OSBPL6: variants seen among roughly 807,000 people sequenced by gnomAD.
OSBPL6 encodes oxysterol binding protein like 6, also known as oxysterol-binding protein-related protein 6.
In OSBPL6, 49 loss-of-function variants were observed where a neutral mutation model predicts 125.8. The observed-to-expected ratio is 0.39, with a 90% confidence interval of 0.31 to 0.49. The LOEUF is 0.49. OSBPL6 is among the 20% of genes least tolerant of loss of function. The probability of loss-of-function intolerance (pLI) is 0.88; values close to 1 mark genes in which losing one functional copy is unlikely to be tolerated. For synonymous variants in OSBPL6, 394 were observed against 391.8 expected (o/e 1.01, Z -0.07); for missense variants, 986 against 1,135.4 (o/e 0.87, Z 1.89).
At chr2:178,371,950 C>T (rs997114038) in intron 13 of OSBPL6, among the ~76,000 whole-genome samples, 176 bp from the exon 14 acceptor site, 1 of 152,148 alleles carries the variant, frequency 6.6e-6, no homozygotes, top group Non-Finnish European at 1.5e-5. Flanking sequence ...AAAATGAATA[C>T]CTTAATTTTG....
chr2:178,194,975 G>C (rs1224260791), intron 1 of OSBPL6, among the ~76,000 whole-genome samples: 5 of 152,014 alleles, frequency 3.3e-5, no homozygotes, highest in Non-Finnish European at 5.9e-5. Flanking sequence ...AGGGAATTCC[G>C]GCCGCCTGCC....
intron 13 of OSBPL6, among the ~76,000 whole-genome samples, chr2:178,368,489 A>G (rs1693064650): frequency 6.6e-6 from 1 of 152,202 alleles, no homozygotes; most frequent in Non-Finnish European, 1.5e-5. Context: ...GCTTGAAATC[A>G]TAGCAGGAGA....
chr2:178,214,973 G>A (rs968853972), intron 1 of OSBPL6, among the ~76,000 whole-genome samples: 1 of 151,980 alleles, frequency 6.6e-6, no homozygotes, highest in East Asian at 1.9e-4. Flanking sequence ...AAACCTTTAC[G>A]GCAATGCCTG....
upstream of OSBPL6, among the ~76,000 whole-genome samples, chr2:178,194,129 C>A (rs2088687739): frequency 6.6e-6 from 1 of 152,198 alleles, no homozygotes; most frequent in Non-Finnish European, 1.5e-5. Context: ...CTCACCTCCG[C>A]CGGACTGCGC....
At position 178,366,662 on chromosome 2, in the gene OSBPL6, T is replaced by A. The variant is rs202049115; in HGVS notation, c.1287+4847T>A. Among the ~76,000 whole-genome samples the A allele has an allele frequency of 2.6e-5, 4 of 152,328 alleles. No individual in the cohort carries two copies. In the East Asian group the frequency reaches 5.8e-4, roughly 22 times the overall value. On this transcript the variant is annotated intron_variant, in intron 13 of 24. Transcript: ENST00000190611. ...TTGCTTAACATACTATATAGTAGCATAATGTAAAATCCAAGTCATATCTGT... is the reference window on the plus strand; with the variant it reads ...TTGCTTAACATACTATATAGTAGCAAAATGTAAAATCCAAGTCATATCTGT...
Position 178,387,088 on chromosome 2 carries a change from G to C in OSBPL6, c.2105G>C (p.Gly702Ala). 6.2e-7 allele frequency: 1 copy of C among 1,611,650 alleles called. No homozygotes were observed. The highest frequency in any genetic ancestry group is 8.5e-7 in the Non-Finnish European group (1 of 1,177,990). Residue 702 changes from glycine (G) to alanine (A), a missense_variant, in exon 20 of 25, where the codon GGG becomes GCG. Transcript: ENST00000190611. ...QDIRWKNKFW[G>A]KSMEILPVGT... Reference sequence around the variant, plus strand: ...ATCAGATGGAAAAACAAGTTCTGGGGGAAGTCGATGGAAATCCTGCCTGTT... The same window carrying C: ...ATCAGATGGAAAAACAAGTTCTGGGCGAAGTCGATGGAAATCCTGCCTGTT...
intron 11 of OSBPL6, among the ~76,000 whole-genome samples, chr2:178,346,200 C>T (rs528262577): frequency 6.6e-6 from 1 of 152,192 alleles, no homozygotes; most frequent in Non-Finnish European, 1.5e-5. Flanking sequence ...CCAGACCCAA[C>T]AGAACAGGAG....
At chr2:178,331,307 T>G (rs1689177047) in intron 5 of OSBPL6, among the ~76,000 whole-genome samples, 1 of 152,186 alleles carries the variant, frequency 6.6e-6, no homozygotes, top group Non-Finnish European at 1.5e-5. Context: ...AAAATCATGG[T>G]GAAAAGACTC....
intron 1 of OSBPL6, among the ~76,000 whole-genome samples, chr2:178,228,253 C>T (rs900890983): frequency 6.6e-5 from 10 of 152,180 alleles, no homozygotes; most frequent in East Asian, 1.9e-4. Context: ...ATTTAAGACA[C>T]GGCCGGGCGC....
chr2:178,380,453 T>A (rs1694358621), intron 15 of OSBPL6, among the ~76,000 whole-genome samples: 1 of 70,316 alleles, frequency 1.4e-5, no homozygotes, highest in African/African-American at 5.7e-5. Flanking sequence ...TAAGAGTCTG[T>A]CTCAAAAAAA....
At position 178,349,271 on chromosome 2, in the gene OSBPL6, C is replaced by T; in HGVS notation, c.1035C>T (p.Asn345=). 6.2e-7 allele frequency: 1 copy of T among 1,614,176 alleles called. No individual in the cohort carries two copies. The highest frequency in any genetic ancestry group is 1.1e-5 in the South Asian group (1 of 91,084). Residue 345 remains asparagine (N), a synonymous_variant, in exon 12 of 25, where the codon AAC becomes AAT. Transcript: ENST00000190611. ...TMSPVRLHSS[N]PNLCADIEFQ... The stretch of plus-strand genomic sequence containing the variant: ...CACCAGTTCGCTTGCATTCCTCCAA[C>T]CCCAACCTTTGTGCAGATATTGAAT...
chr2:178,225,455 G>T (rs2090518669), intron 1 of OSBPL6, among the ~76,000 whole-genome samples: 1 of 152,140 alleles, frequency 6.6e-6, no homozygotes, highest in Non-Finnish European at 1.5e-5. Context: ...GGACAGTGAA[G>T]GTAGTGTCTG....
intron 1 of OSBPL6, among the ~76,000 whole-genome samples, chr2:178,263,771 G>A (rs2092138192): frequency 6.6e-6 from 1 of 151,684 alleles, no homozygotes; most frequent in African/African-American, 2.4e-5. Flanking sequence ...CATACCTCAT[G>A]TCTGAGGACC....
chr2:178,327,973 A>G (rs770365424), intron 4 of OSBPL6, among the ~76,000 whole-genome samples: 35 of 152,190 alleles, frequency 2.3e-4, no homozygotes, highest in Non-Finnish European at 4.6e-4. Context: ...AAACATTCTG[A>G]GTACAGGCAA....
Position 178,394,441 on chromosome 2 carries a change from T to C in OSBPL6, c.2696+6T>C. The C allele has an allele frequency of 6.2e-7, 1 of 1,605,590 alleles. No homozygotes were observed. The highest frequency in any genetic ancestry group is 8.5e-7 in the Non-Finnish European group (1 of 1,177,992). On this transcript the variant is annotated splice_donor_region_variant and intron_variant, in intron 24 of 24. Transcript: ENST00000190611. The stretch of plus-strand genomic sequence containing the variant: ...CATATACCAAAATTTTTTAAGTAAG[T>C]CAGTTAACTCCCATAGCAAGTTCAT...
intron 1 of OSBPL6, among the ~76,000 whole-genome samples, chr2:178,211,364 G>A (rs1169209022): frequency 1.3e-5 from 2 of 152,206 alleles, no homozygotes; most frequent in Non-Finnish European, 2.9e-5. Context: ...AAATAGGTGA[G>A]CAGGTGCCTG....
At chr2:178,357,614 G>A (rs920440149) in intron 12 of OSBPL6, among the ~76,000 whole-genome samples, 3 of 152,164 alleles carry the variant, frequency 2.0e-5, no homozygotes, top group African/African-American at 7.2e-5. Context: ...GGAGAAATAG[G>A]AACGCTTTTA....
At chr2:178,342,181 G>A (rs1690269356) in intron 11 of OSBPL6, among the ~76,000 whole-genome samples, 1 of 152,062 alleles carries the variant, frequency 6.6e-6, no homozygotes, top group Non-Finnish European at 1.5e-5. Context: ...CAATATGAGA[G>A]GCTCTCAAGC....
At chr2:178,215,821 G>A (rs2090070719) in intron 1 of OSBPL6, among the ~76,000 whole-genome samples, 4 of 152,302 alleles carry the variant, frequency 2.6e-5, no homozygotes, top group Admixed American at 2.6e-4. Flanking sequence ...GGAGGTGTGT[G>A]GTACTGGAGG....
Sources: allele counts gnomAD v4.1 joint callset (sites outside exome capture counted in the v4.1 genomes callset), GRCh38; gene constraint gnomAD v4.1.1; transcripts MANE v1.5; gene names NCBI Gene and HGNC (gene_info 2026-07-23, HGNC 2026-07-21).